ERN2: variants seen among roughly 807,000 people sequenced by gnomAD.
The protein encoded by ERN2 is serine/threonine-protein kinase/endoribonuclease IRE2.
A neutral mutation model predicts 107.9 loss-of-function variants in ERN2; 111 were observed. The ratio of observed to expected loss-of-function variants is 1.03; its 90% CI spans 0.88 to 1.20. The LOEUF is 1.20. Among genes scored for constraint, ERN2 ranks in the 50% most tolerant of loss-of-function variants. The pLI is 0.00. For synonymous variants in ERN2, 524 were observed against 501.7 expected (o/e 1.04, Z -0.59); for missense variants, 1,225 against 1,197.9 (o/e 1.02, Z -0.33).
chr16:23,712,807 C>A (rs1960595664), intron 1 of ERN2: 2 of 387,860 alleles, frequency 5.2e-6, no homozygotes, highest in Middle Eastern at 6.5e-4. Context: ...TGCCCAGGTG[C>A]CCCCCTACCC....
chr16:23,710,490 C>T (rs370697682), intron 3 of ERN2, 26 bp downstream of exon 3: 4 of 1,613,376 alleles, frequency 2.5e-6, no homozygotes, highest in African/African-American at 2.7e-5. Context: ...GAAGCCTCCT[C>T]CTTAAAAGGC....
Position 23,702,537 on chromosome 16 carries a change from G to A in ERN2, c.934C>T (p.Pro312Ser), listed in dbSNP as rs1159314871. Residue 312 changes from proline to serine, a missense_variant and splice_region_variant, in exon 10 of 22, where the codon CCT (proline) becomes TCT (serine). By Grantham distance (74) the Pro-to-Ser change is moderately conservative. Coordinates refer to ENST00000256797, the MANE Select transcript of ERN2 (RefSeq NM_033266.4). ...ALVHTGVALV[P>S]RGLTLAPADG... ...GCGGGGGCCAGGGTCAGTCCACGAG[G>A]CTATGGCAGAAGATGGAGAGCCATG... 6.2e-7 allele frequency: 1 copy of A among 1,613,906 alleles called. No homozygotes were observed. The highest frequency in any genetic ancestry group is 1.3e-5 in the African/African-American group (1 of 75,028).
At chr16:23,696,202 C>G (rs967190597) in intron 13 of ERN2, among the ~76,000 whole-genome samples, 1 of 152,190 alleles carries the variant, frequency 6.6e-6, no homozygotes, top group Non-Finnish European at 1.5e-5. Flanking sequence ...TCTGTGCCCT[C>G]GGTATTCTCA....
rs750183540 is a variant in ERN2 at position 23,691,104 on chromosome 16, G to A, written c.2568+25C>T. 8 of 1,613,680 alleles carry A rather than the reference G, an allele frequency of 5.0e-6. No homozygotes were observed. In the Admixed American group the frequency reaches 1.2e-4, roughly 24 times the overall value. ...TGCGGCCAGGCCTTCCCAAGACCCA[G>A]GCCCACCCAGGCCCCAACACATACC... On this transcript the variant is annotated intron_variant, in intron 21 of 21. Transcript: ENST00000256797.
chr16:23,706,424 C>G lies in ERN2; in HGVS notation c.495G>C (p.Thr165=). The G allele has an allele frequency of 6.4e-7, 1 of 1,567,800 alleles. No homozygotes were observed. The highest frequency in any genetic ancestry group is 8.7e-7 in the Non-Finnish European group (1 of 1,155,412). ...PRLYIGRTQY[T]VTMHDPRAPA... is the part of the protein sequence containing the mutation. ...GGGCTCTTGGGTCATGCATGGTGAC[C>G]GTATACTCTGGGGATCCCAGAAGCA... The change falls in exon 7 of 22, where the codon ACG becomes ACC. Residue 165 remains threonine (T), a synonymous_variant. Coordinates refer to ENST00000256797, the MANE Select transcript of ERN2 (RefSeq NM_033266.4).
At chr16:23,695,809 C>CT in intron 14 of ERN2, 85 bp downstream of exon 14, 1 of 981,658 alleles carries the variant, frequency 1.0e-6, no homozygotes, top group Admixed American at 1.9e-5. Flanking sequence ...CTCGGGGAGT[C>CT]TTTGAAAGAA....
chr16:23,706,543 C>T lies in ERN2; in HGVS notation c.488-112G>A, dbSNP rs1204932615. 8.3e-6 allele frequency: 7 copies of T among 838,654 alleles called. No homozygotes were observed. In the African/African-American group the frequency reaches 1.0e-4, roughly 12 times the overall value. 52.0% of individuals were successfully genotyped at this position (838,654 alleles called of 1,614,324 possible). On this transcript the variant is annotated intron_variant, in intron 6 of 21. Transcript: ENST00000256797. Reference sequence around the variant, plus strand: ...GTTTCCTGAGCACACAGCCTAGAGACCTGGAAGCCTGTGAACATCACAGTG... The same window carrying T: ...GTTTCCTGAGCACACAGCCTAGAGATCTGGAAGCCTGTGAACATCACAGTG...
rs144228673 is a variant in ERN2 at position 23,701,098 on chromosome 16, C to T, written c.1220G>A (p.Arg407Gln). 2.3e-4 allele frequency: 366 copies of T among 1,613,920 alleles called. No individual in the cohort carries two copies. The highest frequency in any genetic ancestry group is 2.9e-4 in the African/African-American group (22 of 75,012). ...CAGCTCGGAGTCCCAAAGTTTCTCT[C>T]GGCTCAGGCTCAATAGCTGGGGATA... ...AFFLELLSLS[R>Q]EKLWDSELHP... The change falls in exon 12 of 22, where the codon CGA becomes CAA. Residue 407 changes from arginine (R) to glutamine (Q), a missense_variant. Physicochemically the swap from Arg to Gln is conservative, Grantham distance 43. Coordinates refer to ENST00000256797, the MANE Select transcript of ERN2 (RefSeq NM_033266.4).
chr16:23,695,384 T>G lies in ERN2; in HGVS notation c.1616A>C (p.Gln539Pro). 1.3e-6 allele frequency: 2 copies of G among 1,591,458 alleles called. No homozygotes were observed. Among genetic ancestry groups the G allele is most frequent in the Non-Finnish European group, 8.6e-7 (1 of 1,168,746 alleles). The stretch of plus-strand genomic sequence containing the variant: ...GACAGCCACTGCCCGTCCCTCAAAC[T>G]GTCCCCTGGAAAGTGGGTGATGGCG... ...GAGGTFVFRG[Q>P]FEGRAVAVKR... Residue 539 changes from glutamine to proline, a missense_variant, in exon 15 of 22, where the codon CAG (glutamine) becomes CCG (proline). By Grantham distance (76) the Gln-to-Pro change is moderately conservative (BLOSUM62 -1). Transcript: ENST00000256797.
chr16:23,700,544 G>C lies in ERN2; in HGVS notation c.1520C>G (p.Pro507Arg). ...TCTTGTTCACACAGGCTCACCTTCA[G>C]GGTCGTCGAGTGGCTGGGCTTGCTT... The part of the protein sequence containing the change: ...PSKQAQPLDD[P>R]EAEQLTVVGK... Residue 507 changes from proline (P) to arginine (R), a missense_variant, in exon 13 of 22, where the codon CCT becomes CGT. Physicochemically the swap from Pro to Arg is moderately radical, Grantham distance 103 (BLOSUM62 -2). Coordinates refer to ENST00000256797, the MANE Select transcript of ERN2 (RefSeq NM_033266.4). 6.2e-7 allele frequency: 1 copy of C among 1,611,906 alleles called. No homozygotes were observed. The highest frequency in any genetic ancestry group is 8.5e-7 in the Non-Finnish European group (1 of 1,178,978).
chr16:23,704,303 C>T (rs1597153087), intron 8 of ERN2, among the ~76,000 whole-genome samples: 1 of 152,186 alleles, frequency 6.6e-6, no homozygotes, highest in East Asian at 1.9e-4. Context: ...TGTGTCCCCA[C>T]CAAAATCTCA....
rs749742039 is a variant in ERN2 at position 23,705,001 on chromosome 16, G to A, written c.736C>T (p.Leu246Phe). ...HQDGLRQLPH[L>F]TLARDTLHFL... is the part of the protein sequence containing the mutation. ...TGCAGAGTGTCTCGAGCCAGCGTGA[G>A]ATGCGGCAGCTGGCGCAGGCCGTCC... The change falls in exon 8 of 22, where the codon CTC becomes TTC. Residue 246 changes from leucine to phenylalanine, a missense_variant. Leu to Phe is a conservative substitution (Grantham distance 22). Coordinates refer to ENST00000256797, the MANE Select transcript of ERN2 (RefSeq NM_033266.4). 2 of 1,613,940 alleles carry A rather than the reference G, an allele frequency of 1.2e-6. No homozygotes were observed. The highest frequency in any genetic ancestry group is 2.7e-5 in the African/African-American group (2 of 74,956).
intron 1 of ERN2, chr16:23,712,157 A>G: frequency 3.1e-6 from 1 of 327,150 alleles, no homozygotes; most frequent in Admixed American, 3.4e-5. Context: ...TCAGGAAATT[A>G]TCTGCTAGCC....
At chr16:23,707,875 C>A (rs185795416) in intron 4 of ERN2, among the ~76,000 whole-genome samples, 7 of 152,314 alleles carry the variant, frequency 4.6e-5, no homozygotes, top group Non-Finnish European at 1.5e-5. Context: ...ATAAAGGAGA[C>A]CATGGCCTGA....
chr16:23,708,893 C>G (rs945744555), intron 4 of ERN2, among the ~76,000 whole-genome samples: 1 of 152,038 alleles, frequency 6.6e-6, no homozygotes, highest in Non-Finnish European at 1.5e-5. Flanking sequence ...TATAAATTAC[C>G]CAGTCTGAGG....
intron 8 of ERN2, 123 bp from the exon 9 acceptor site, chr16:23,702,825 G>T: frequency 1.2e-6 from 1 of 829,472 alleles, no homozygotes; most frequent in Non-Finnish European, 2.0e-6. Flanking sequence ...CATGAGACTT[G>T]CTTTAATCAA....
chr16:23,700,855 G>A (rs1960033227), intron 12 of ERN2, 104 bp downstream of exon 12: 16 of 1,480,474 alleles, frequency 1.1e-5, no homozygotes, highest in Non-Finnish European at 1.5e-5. Flanking sequence ...GGGAGGCAGG[G>A]GGCAAAATCA....
intron 3 of ERN2, 90 bp downstream of exon 3, chr16:23,710,426 T>C: frequency 1.4e-6 from 2 of 1,402,616 alleles, no homozygotes; most frequent in African/African-American, 1.4e-5. Flanking sequence ...TTCCAACATG[T>C]CCCTGCCCCA....
chr16:23,707,740 C>CA (rs564353767), intron 4 of ERN2, among the ~76,000 whole-genome samples: 10 of 151,628 alleles, frequency 6.6e-5, no homozygotes, highest in Admixed American at 4.6e-4. Context: ...AACAAACAAA[C>CA]AAAAAAAAGC....
Sources: allele counts gnomAD v4.1 joint callset (sites outside exome capture counted in the v4.1 genomes callset), GRCh38; gene constraint gnomAD v4.1.1; transcripts MANE v1.5; gene names NCBI Gene and HGNC (gene_info 2026-07-23, HGNC 2026-07-21).